KIAA1217: variants seen among roughly 807,000 people sequenced by gnomAD.
KIAA1217 encodes KIAA1217.
Under a neutral mutation model 163.9 loss-of-function variants are expected in KIAA1217, and 88 were observed. The ratio of observed to expected loss-of-function variants is 0.54; its 90% CI spans 0.45 to 0.64. KIAA1217 has a LOEUF of 0.64. Ranked by LOEUF, KIAA1217 falls within the 30% of genes least tolerant of loss-of-function variation. The probability of loss-of-function intolerance (pLI) is 0.00; values close to 1 mark genes in which losing one functional copy is unlikely to be tolerated. For missense variants in KIAA1217, 2,372 were observed against 2,475.0 expected (o/e 0.96, Z 0.88); for synonymous variants, 903 against 923.1 (o/e 0.98, Z 0.39).
intron 1 of KIAA1217, among the ~76,000 whole-genome samples, chr10:23,853,625 G>C (rs1021505685): frequency 2.3e-4 from 35 of 152,072 alleles, no homozygotes; most frequent in African/African-American, 6.5e-4. Flanking sequence ...TAGAATTCGC[G>C]TGTGAATCCA....
At chr10:24,392,933 A>G (rs1353980565) in intron 3 of KIAA1217, among the ~76,000 whole-genome samples, 1 of 152,004 alleles carries the variant, frequency 6.6e-6, no homozygotes, top group Non-Finnish European at 1.5e-5. Context: ...TATATTACAC[A>G]CATTATTTTT....
intron 1 of KIAA1217, among the ~76,000 whole-genome samples, chr10:23,753,794 C>T (rs142988653): frequency 1.1e-4 from 17 of 152,198 alleles, no homozygotes; most frequent in Non-Finnish European, 1.8e-4. Context: ...TTTGAAGAAC[C>T]ATCACGTCTC....
chr10:23,859,629 T>C (rs1025305516), intron 1 of KIAA1217, among the ~76,000 whole-genome samples: 1 of 152,224 alleles, frequency 6.6e-6, no homozygotes, highest in Non-Finnish European at 1.5e-5. Context: ...TTCTTCAATA[T>C]TTCACATTTA....
At chr10:24,020,693 C>T (rs775469517) in intron 2 of KIAA1217, among the ~76,000 whole-genome samples, 45 of 151,944 alleles carry the variant, frequency 3.0e-4, no homozygotes, top group African/African-American at 1.1e-3. Context: ...CATTGGTTGA[C>T]CACTGAGCTG....
At chr10:24,263,408 C>T (rs1271406355) in intron 2 of KIAA1217, among the ~76,000 whole-genome samples, 2 of 152,176 alleles carry the variant, frequency 1.3e-5, no homozygotes, top group Admixed American at 6.5e-5. Flanking sequence ...TTGCAGGAAA[C>T]TCTTGCAACA....
Position 24,547,581 on chromosome 10 carries a change from A to T in KIAA1217, c.*1257A>T, listed in dbSNP as rs2075769561. On this transcript the variant is annotated 3_prime_UTR_variant, in exon 21 of 21. Transcript: ENST00000376454. The stretch of plus-strand genomic sequence containing the variant: ...ATGTTTTTCCGCTTTGAGGGATGTA[A>T]CCACATCCACTCAGAGGACACTACT... 1 of 152,190 alleles carries T rather than the reference A, an allele frequency of 6.6e-6. No homozygotes were observed. Among genetic ancestry groups the T allele is most frequent in the Non-Finnish European group, 1.5e-5 (1 of 68,032 alleles). The allele number at this position is 152,190 out of a possible 1,614,324, so 9.4% of individuals were successfully genotyped here. A position where few individuals can be genotyped will look rare whatever the true frequency, so the allele number is the denominator to read the frequency against.
chr10:23,737,583 T>A (rs1358824041), intron 1 of KIAA1217, among the ~76,000 whole-genome samples: 1 of 152,164 alleles, frequency 6.6e-6, no homozygotes, highest in East Asian at 1.9e-4. Context: ...GATTACCACT[T>A]TTCTATCAGT....
At chr10:23,900,640 G>T (rs958222684) in intron 1 of KIAA1217, among the ~76,000 whole-genome samples, 2 of 151,982 alleles carry the variant, frequency 1.3e-5, no homozygotes, top group Non-Finnish European at 2.9e-5. Context: ...GTAAAACTGT[G>T]GTCTATTACC....
intron 2 of KIAA1217, among the ~76,000 whole-genome samples, chr10:24,015,530 T>C (rs1348358658): frequency 6.6e-6 from 1 of 151,794 alleles, no homozygotes; most frequent in Non-Finnish European, 1.5e-5. Context: ...CCAAGGCAGG[T>C]GGATCACCTG....
At chr10:23,994,659 G>C (rs900271450) in intron 1 of KIAA1217, among the ~76,000 whole-genome samples, 2 of 152,192 alleles carry the variant, frequency 1.3e-5, no homozygotes, top group African/African-American at 4.8e-5. Flanking sequence ...CATCCCACCA[G>C]GGGGCAGTAG....
rs141636526 is a variant in KIAA1217 at position 24,090,027 on chromosome 10, C to G, written c.-171+82653C>G. Among the ~76,000 whole-genome samples the G allele has an allele frequency of 3.8e-3, 570 of 151,824 alleles. 2 individuals carry two copies. The highest frequency in any genetic ancestry group is 4.7e-3 in the Non-Finnish European group (319 of 68,006). ...AGAACAAAGCTGGAGGCATCAGGCT[C>G]TCTATTTTAACACATCTTGACCACT... On this transcript the variant is annotated intron_variant, in intron 2 of 18. Coordinates refer to the KIAA1217 transcript ENST00000376462.
chr10:24,452,575 G>C (rs181528879), intron 5 of KIAA1217, among the ~76,000 whole-genome samples: 1 of 150,896 alleles, frequency 6.6e-6, no homozygotes, highest in Non-Finnish European at 1.5e-5. Flanking sequence ...CCAGCTACTC[G>C]GGAGGCTGAG....
At chr10:24,329,410 C>A (rs564775076) in intron 2 of KIAA1217, among the ~76,000 whole-genome samples, 39 of 151,890 alleles carry the variant, frequency 2.6e-4, no homozygotes, top group African/African-American at 8.7e-4. Context: ...AATACAAAAT[C>A]TTTTCTAGAG....
chr10:23,823,155 A>T (rs1230564033), intron 1 of KIAA1217, among the ~76,000 whole-genome samples: 1 of 152,166 alleles, frequency 6.6e-6, no homozygotes, highest in African/African-American at 2.4e-5. Flanking sequence ...GGCCCAAGCC[A>T]AGGTGTTGGC....
At chr10:23,842,483 T>C (rs1465085307) in intron 1 of KIAA1217, among the ~76,000 whole-genome samples, 1 of 152,164 alleles carries the variant, frequency 6.6e-6, no homozygotes, top group African/African-American at 2.4e-5. Context: ...ATAACCATTC[T>C]GCTCCACACA....
At chr10:24,367,652 T>G (rs2050969823) in intron 2 of KIAA1217, among the ~76,000 whole-genome samples, 1 of 152,240 alleles carries the variant, frequency 6.6e-6, no homozygotes, top group African/African-American at 2.4e-5. Flanking sequence ...TTTGCTCAGT[T>G]CCAATGTGTC....
At chr10:23,846,796 C>A (rs1839053754) in intron 1 of KIAA1217, among the ~76,000 whole-genome samples, 2 of 152,146 alleles carry the variant, frequency 1.3e-5, no homozygotes, top group African/African-American at 4.8e-5. Context: ...TGAGAGAGGT[C>A]ATCCTTGTCT....
At chr10:23,727,913 C>T (rs1838263072) in intron 1 of KIAA1217, among the ~76,000 whole-genome samples, 1 of 152,116 alleles carries the variant, frequency 6.6e-6, no homozygotes, top group Non-Finnish European at 1.5e-5. Flanking sequence ...TTTTCTGATC[C>T]TATGTTAGTT....
chr10:23,886,967 TC>T, intron 1 of KIAA1217, among the ~76,000 whole-genome samples: 1 of 152,018 alleles, frequency 6.6e-6, no homozygotes, highest in African/African-American at 2.4e-5. Flanking sequence ...TGTAAGCCTA[TC>T]AAATAATGTA....
Sources: allele counts gnomAD v4.1 joint callset (sites outside exome capture counted in the v4.1 genomes callset), GRCh38; gene constraint gnomAD v4.1.1; transcripts MANE v1.5; gene names NCBI Gene and HGNC (gene_info 2026-07-23, HGNC 2026-07-21).